The following ZC4H2 variants were observed in gnomAD, a reference collection of about 807,000 sequenced individuals.
ZC4H2 encodes the protein zinc finger C4H2-type containing.
For synonymous variants in ZC4H2, 84 were observed against 66.3 expected, an observed-to-expected ratio of 1.27 and a Z score of -1.30; for missense variants, 137 against 173.9, an observed-to-expected ratio of 0.79 and a Z score of 1.19.
intron 1 of ZC4H2, among the ~76,000 whole-genome samples, chrX:64,928,057 A>T (rs1198735088): frequency 3.6e-5 from 4 of 110,682 alleles, no homozygotes; most frequent in East Asian, 2.8e-4. Flanking sequence ...GATTGCAAAA[A>T]TTTTTTCTGT....
upstream of ZC4H2, among the ~76,000 whole-genome samples, chrX:64,977,870 G>A (rs1329188052): frequency 9.0e-6 from 1 of 111,727 alleles, no homozygotes; most frequent in Non-Finnish European, 1.9e-5. Context: ...TTCAAAGCAC[G>A]GTAGTGATAA....
intron 4 of ZC4H2, 169 bp downstream of exon 4, chrX:64,918,873 T>C (rs1929048853): frequency 3.8e-6 from 2 of 529,584 alleles, no homozygotes; most frequent in Non-Finnish European, 5.6e-6. Flanking sequence ...ACCTGTGCTG[T>C]GTGTGTCCAA....
intron 1 of ZC4H2, among the ~76,000 whole-genome samples, chrX:64,950,253 C>T (rs1441184402): frequency 9.0e-6 from 1 of 111,642 alleles, no homozygotes. Context: ...TTGTGTAGGA[C>T]TGCTTTACTT....
chrX:64,961,603 T>G (rs963833589), intron 1 of ZC4H2, among the ~76,000 whole-genome samples: 1 of 109,796 alleles, frequency 9.1e-6, no homozygotes, highest in African/African-American at 3.3e-5. Context: ...ATAAGCCAAA[T>G]AAAGAATCAA....
chrX:64,943,168 T>C (rs1052400638), intron 1 of ZC4H2, among the ~76,000 whole-genome samples: 16 of 112,228 alleles, frequency 1.4e-4, no homozygotes, highest in African/African-American at 4.5e-4. Flanking sequence ...TAATCCTGAG[T>C]TCTAATTTGA....
At chrX:64,946,559 C>T (rs780611469) in intron 1 of ZC4H2, among the ~76,000 whole-genome samples, 2 of 98,508 alleles carry the variant, frequency 2.0e-5, no homozygotes, top group African/African-American at 7.5e-5. Flanking sequence ...TTGGAAAAAC[C>T]CCTTGGTTGT....
At chrX:64,936,743 A>T (rs1930030302) in intron 1 of ZC4H2, among the ~76,000 whole-genome samples, 1 of 111,952 alleles carries the variant, frequency 8.9e-6, no homozygotes, top group Admixed American at 9.5e-5. Flanking sequence ...TGTCACCACC[A>T]GGCCTGCCTT....
chrX:64,963,762 C>T (rs189731938), intron 1 of ZC4H2, among the ~76,000 whole-genome samples: 1 of 111,333 alleles, frequency 9.0e-6, no homozygotes, highest in East Asian at 2.8e-4. Flanking sequence ...GATATCTGCA[C>T]TCCCGTGTTT....
intron 1 of ZC4H2, among the ~76,000 whole-genome samples, chrX:64,940,663 C>T (rs1024633885): frequency 9.0e-6 from 1 of 111,194 alleles, no homozygotes; most frequent in Non-Finnish European, 1.9e-5. Flanking sequence ...GAATCCTTTC[C>T]CCATTGCTTG....
intron 1 of ZC4H2, among the ~76,000 whole-genome samples, chrX:64,945,239 T>G (rs1220038687): frequency 8.9e-6 from 1 of 112,688 alleles, no homozygotes; most frequent in Non-Finnish European, 1.9e-5. Context: ...ATCTTTGACT[T>G]TAATGACCTT....
At chrX:65,025,543 CT>C (rs1382771151) in intron 1 of ZC4H2, among the ~76,000 whole-genome samples, 1 of 111,718 alleles carries the variant, frequency 9.0e-6, no homozygotes, top group African/African-American at 3.3e-5. Flanking sequence ...AAATATACCA[CT>C]CCTCAGCTCC....
intron 1 of ZC4H2, among the ~76,000 whole-genome samples, chrX:65,024,954 T>G (rs1457622555): frequency 3.6e-5 from 4 of 110,955 alleles, no homozygotes; most frequent in Non-Finnish European, 7.5e-5. Flanking sequence ...TGCTCATTAC[T>G]TGGTCTAATA....
intron 1 of ZC4H2, among the ~76,000 whole-genome samples, chrX:64,998,875 T>G (rs1343154663): frequency 1.8e-5 from 2 of 110,018 alleles, no homozygotes; most frequent in African/African-American, 6.6e-5. Context: ...TCTCTTATAA[T>G]CATTTTTTTA....
At position 64,966,529 on chromosome X, in the gene ZC4H2, C is replaced by T. The variant is rs773234274; in HGVS notation, c.53+9796G>A. 5.3e-5 allele frequency among the ~76,000 whole-genome samples: 6 copies of T among 112,329 alleles called. No homozygotes were observed. The East Asian group carries it at 1.1e-3, about 21-fold the overall frequency. ...GCAGAGCAGCATTATTCATAAGAGCCAAAACAGTGGAAATAACTGAAATGC... is the reference window on the plus strand; with the variant it reads ...GCAGAGCAGCATTATTCATAAGAGCTAAAACAGTGGAAATAACTGAAATGC... On this transcript the variant is annotated intron_variant, in intron 1 of 4. Coordinates refer to ENST00000374839, the MANE Select transcript of ZC4H2 (RefSeq NM_018684.4).
chrX:64,960,486 C>T (rs777904796), intron 1 of ZC4H2, among the ~76,000 whole-genome samples: 12 of 111,081 alleles, frequency 1.1e-4, no homozygotes, highest in Non-Finnish European at 2.3e-4. Flanking sequence ...TTCCAATAGC[C>T]AAGGTAGAAG....
chrX:64,969,401 G>C (rs989433217), intron 1 of ZC4H2, among the ~76,000 whole-genome samples: 1 of 112,036 alleles, frequency 8.9e-6, no homozygotes, highest in African/African-American at 3.2e-5. Context: ...TCAAAAAGCA[G>C]GGTAGGACAG....
At chrX:64,938,315 T>G (rs749173794) in intron 1 of ZC4H2, among the ~76,000 whole-genome samples, 67 of 111,488 alleles carry the variant, frequency 6.0e-4, no homozygotes, top group African/African-American at 2.1e-3. Flanking sequence ...CCAAAAAAAG[T>G]CCAGGACCAG....
intron 1 of ZC4H2, among the ~76,000 whole-genome samples, chrX:64,939,789 G>A (rs1001139970): frequency 2.7e-5 from 3 of 111,816 alleles, no homozygotes; most frequent in Non-Finnish European, 3.8e-5. Context: ...ACTCAAGATG[G>A]ATGAAAGACT....
At chrX:65,028,679 G>T (rs1324333942) in intron 1 of ZC4H2, among the ~76,000 whole-genome samples, 1 of 110,676 alleles carries the variant, frequency 9.0e-6, no homozygotes, top group Non-Finnish European at 1.9e-5. Flanking sequence ...CCACAGACGT[G>T]AGCCACTATG....
Sources: allele counts gnomAD v4.1 joint callset (sites outside exome capture counted in the v4.1 genomes callset), GRCh38; gene constraint gnomAD v4.1.1; transcripts MANE v1.5; gene names NCBI Gene and HGNC (gene_info 2026-07-23, HGNC 2026-07-21).